SLC24A3: variants seen among roughly 807,000 people sequenced by gnomAD.
The protein encoded by SLC24A3 is solute carrier family 24 member 3.
A neutral mutation model predicts 75.8 loss-of-function variants in SLC24A3; 28 were observed. The ratio of observed to expected loss-of-function variants is 0.37; its 90% CI spans 0.27 to 0.51. SLC24A3 has a LOEUF of 0.51. Ranked by LOEUF, SLC24A3 falls within the 20% of genes least tolerant of loss-of-function variation. The pLI is 0.94. For synonymous variants in SLC24A3, 372 were observed against 334.1 expected, an observed-to-expected ratio of 1.11 and a Z score of -1.24; for missense variants, 663 against 847.8, an observed-to-expected ratio of 0.78 and a Z score of 2.71.
At chr20:19,416,571 G>A (rs1986830942) in intron 2 of SLC24A3, among the ~76,000 whole-genome samples, 2 of 152,172 alleles carry the variant, frequency 1.3e-5, no homozygotes. Flanking sequence ...CTGCAAGCCG[G>A]TGCCTTGTCC....
At chr20:19,539,006 G>A (rs2030449970) in intron 3 of SLC24A3, among the ~76,000 whole-genome samples, 1 of 152,194 alleles carries the variant, frequency 6.6e-6, no homozygotes, top group Admixed American at 6.5e-5. Context: ...CACAAAAAAA[G>A]TATGGGCTGT....
chr20:19,328,987 G>A (rs1023970400), intron 2 of SLC24A3, among the ~76,000 whole-genome samples: 1 of 152,172 alleles, frequency 6.6e-6, no homozygotes, highest in South Asian at 2.1e-4. Context: ...TGAAAGTTGG[G>A]CACCAGGGAG....
At position 19,289,287 on chromosome 20, in the gene SLC24A3, C is replaced by G. The variant is rs182240449; in HGVS notation, c.271+8200C>G. The stretch of plus-strand genomic sequence containing the variant: ...TTATTTGAAGAGTAAAAGTTTACCC[C>G]CTAAAAGAGCTTGAAACCACGGGCC... On this transcript the variant is annotated intron_variant, in intron 2 of 16. Transcript: ENST00000328041. Among the ~76,000 whole-genome samples, 443 of 152,238 alleles carry G rather than the reference C, an allele frequency of 2.9e-3. 2 individuals are homozygous for G. The highest frequency in any genetic ancestry group is 1.0e-2 in the African/African-American group (415 of 41,518).
intron 1 of SLC24A3, among the ~76,000 whole-genome samples, chr20:19,259,748 C>T (rs1302791790): frequency 6.6e-6 from 1 of 152,180 alleles, no homozygotes; most frequent in African/African-American, 2.4e-5. Context: ...TTCAACCATA[C>T]AGAAACATCA....
chr20:19,646,479 G>A (rs1284319989), intron 6 of SLC24A3, among the ~76,000 whole-genome samples: 1 of 152,172 alleles, frequency 6.6e-6, no homozygotes, highest in Non-Finnish European at 1.5e-5. Flanking sequence ...ACCCCACATT[G>A]TGATGGAGTA....
chr20:19,496,517 A>G, intron 2 of SLC24A3, among the ~76,000 whole-genome samples: 1 of 152,174 alleles, frequency 6.6e-6, no homozygotes, highest in Middle Eastern at 3.2e-3. Context: ...TTATTGCAGG[A>G]TTCCTTTGGA....
intron 2 of SLC24A3, among the ~76,000 whole-genome samples, chr20:19,369,335 C>T (rs1437050509): frequency 6.6e-6 from 1 of 152,096 alleles, no homozygotes; most frequent in Non-Finnish European, 1.5e-5. Flanking sequence ...ATCAGGCAAA[C>T]CCAAACTGAG....
At chr20:19,686,485 C>G (rs2032677009) in intron 12 of SLC24A3, among the ~76,000 whole-genome samples, 1 of 152,208 alleles carries the variant, frequency 6.6e-6, no homozygotes, top group African/African-American at 2.4e-5. Flanking sequence ...GAAGAGTACA[C>G]TAGTTTGATT....
chr20:19,679,456 C>G (rs2032580934), intron 9 of SLC24A3, among the ~76,000 whole-genome samples: 1 of 150,296 alleles, frequency 6.7e-6, no homozygotes, highest in Non-Finnish European at 1.5e-5. Flanking sequence ...GGCAGCAGTA[C>G]AGTCCAGCTT....
At position 19,603,229 on chromosome 20, in the gene SLC24A3, T is replaced by C. The variant is rs569405673; in HGVS notation, c.612+17685T>C. Among the ~76,000 whole-genome samples the C allele has an allele frequency of 6.6e-5, 10 of 152,216 alleles. No individual in the cohort carries two copies. In the East Asian group the frequency reaches 1.9e-3, roughly 29 times the overall value. On this transcript the variant is annotated intron_variant, in intron 6 of 16. Coordinates refer to ENST00000328041, the MANE Select transcript of SLC24A3 (RefSeq NM_020689.4). ...GAATTCCCTGGTCCTGGCTTAACTT[T>C]TGTGGGGGTTTTGGTCTGGGCAGTC...
intron 2 of SLC24A3, among the ~76,000 whole-genome samples, chr20:19,301,423 T>G (rs1483523730): frequency 6.6e-6 from 1 of 152,084 alleles, no homozygotes; most frequent in Non-Finnish European, 1.5e-5. Flanking sequence ...AGCCCAGAAA[T>G]CGATAGAATG....
chr20:19,693,208 GTTCT>G lies in SLC24A3; in HGVS notation c.1325-48_1325-45del, dbSNP rs751823991. ...GAGCAAAGAAATAAAGCTAACTGGG[GTTCT>G]TTGTTATTTTTTTTTTATTTCTTTT... On this transcript the variant is annotated intron_variant, in intron 12 of 16. Coordinates refer to ENST00000328041, the MANE Select transcript of SLC24A3 (RefSeq NM_020689.4). The G allele has an allele frequency of 6.4e-6, 10 of 1,559,398 alleles. No individual in the cohort carries two copies. The South Asian group carries it at 7.1e-5, about 11-fold the overall frequency.
At chr20:19,712,405 A>G (rs1568708165) in intron 15 of SLC24A3, among the ~76,000 whole-genome samples, 1 of 152,080 alleles carries the variant, frequency 6.6e-6, no homozygotes, top group Non-Finnish European at 1.5e-5. Context: ...CCCAAGCACA[A>G]GCAGGACGAC....
At chr20:19,654,888 C>G (rs1256636770) in intron 7 of SLC24A3, among the ~76,000 whole-genome samples, 1 of 152,114 alleles carries the variant, frequency 6.6e-6, no homozygotes, top group African/African-American at 2.4e-5. Context: ...CTCAAGTGAT[C>G]TGCCCGTCTC....
chr20:19,302,793 A>C (rs1316279822), intron 2 of SLC24A3, among the ~76,000 whole-genome samples: 1 of 152,204 alleles, frequency 6.6e-6, no homozygotes, highest in Non-Finnish European at 1.5e-5. Flanking sequence ...ACTGCTGTCT[A>C]GTATTCCACC....
At chr20:19,327,566 G>C (rs1984893684) in intron 2 of SLC24A3, among the ~76,000 whole-genome samples, 2 of 152,198 alleles carry the variant, frequency 1.3e-5, no homozygotes, top group Admixed American at 1.3e-4. Flanking sequence ...TTTGCCTCAA[G>C]TGGAGCTGGC....
chr20:19,389,636 C>A (rs1387844092), intron 2 of SLC24A3, among the ~76,000 whole-genome samples: 1 of 151,918 alleles, frequency 6.6e-6, no homozygotes, highest in Non-Finnish European at 1.5e-5. Flanking sequence ...ATTTGCTTTT[C>A]TCTTACTGCT....
chr20:19,285,703 A>G (rs1484325183), intron 2 of SLC24A3, among the ~76,000 whole-genome samples: 1 of 115,542 alleles, frequency 8.7e-6, no homozygotes, highest in Non-Finnish European at 1.7e-5. Context: ...AAGCCTGGAA[A>G]CATTTTTTTT....
intron 7 of SLC24A3, among the ~76,000 whole-genome samples, chr20:19,655,025 C>G (rs766188031): frequency 2.0e-5 from 3 of 152,180 alleles, no homozygotes; most frequent in Non-Finnish European, 4.4e-5. Flanking sequence ...TAGCCACAGA[C>G]TGGGAATGAG....
Sources: allele counts gnomAD v4.1 joint callset (sites outside exome capture counted in the v4.1 genomes callset), GRCh38; gene constraint gnomAD v4.1.1; transcripts MANE v1.5; gene names NCBI Gene and HGNC (gene_info 2026-07-23, HGNC 2026-07-21).